Variants in EPS15 observed in about 807,000 individuals in gnomAD.
The protein encoded by EPS15 is epidermal growth factor receptor pathway substrate 15, also known as epidermal growth factor receptor substrate 15.
Under a neutral mutation model 113.8 loss-of-function variants are expected in EPS15, and 72 were observed. The ratio of observed to expected loss-of-function variants is 0.63; its 90% CI spans 0.52 to 0.77. The LOEUF (loss-of-function observed/expected upper bound fraction) is 0.77. Among genes scored for constraint, EPS15 ranks in the 30% least tolerant of loss-of-function variants. EPS15 has a pLI of 0.00. For missense variants in EPS15, 1,048 were observed against 1,045.8 expected (o/e 1.00, Z -0.03); for synonymous variants, 344 against 363.4 (o/e 0.95, Z 0.61).
intron 1 of EPS15, among the ~76,000 whole-genome samples, chr1:51,491,859 ATTT>A (rs1007233147): frequency 1.5e-4 from 19 of 129,790 alleles, no homozygotes; most frequent in African/African-American, 3.9e-4. Context: ...AACTCATTTA[ATTT>A]TTTTTTTTTT....
chr1:51,387,055 AG>A (rs1647099514), intron 21 of EPS15, among the ~76,000 whole-genome samples: 1 of 152,214 alleles, frequency 6.6e-6, no homozygotes, highest in Admixed American at 6.5e-5. Flanking sequence ...AAAAAGGTTA[AG>A]GGCAGCCAGA....
At chr1:51,446,913 T>A (rs778967111) in intron 10 of EPS15, 47 bp downstream of exon 10, 1 of 1,468,528 alleles carries the variant, frequency 6.8e-7, no homozygotes, top group South Asian at 1.3e-5. Flanking sequence ...AAACTGGAAT[T>A]GATACAAAAC....
intron 12 of EPS15, among the ~76,000 whole-genome samples, chr1:51,432,017 C>G (rs1217887831): frequency 6.6e-6 from 1 of 152,048 alleles, no homozygotes; most frequent in Non-Finnish European, 1.5e-5. Context: ...TATAAAAATA[C>G]ATTTACTGGC....
At chr1:51,460,767 A>T (rs1352735803) in intron 8 of EPS15, among the ~76,000 whole-genome samples, 1 of 152,142 alleles carries the variant, frequency 6.6e-6, no homozygotes. Flanking sequence ...CAGCCTAGCC[A>T]ACACGGCAAA....
At chr1:51,427,459 T>C (rs932092199) in intron 12 of EPS15, among the ~76,000 whole-genome samples, 24 of 151,882 alleles carry the variant, frequency 1.6e-4, no homozygotes, top group African/African-American at 5.8e-4. Flanking sequence ...GTGTGAGGGG[T>C]TGGGGATAAG....
intron 1 of EPS15, among the ~76,000 whole-genome samples, chr1:51,508,292 GAGAGAGAGAGAA>G (rs1208263792): frequency 7.4e-6 from 1 of 134,348 alleles, no homozygotes; most frequent in Non-Finnish European, 1.6e-5. Flanking sequence ...AAGAGAGAAA[GAGAGAGAGAGAA>G]AGAGAGAAAG....
chr1:51,389,947 C>T (rs867809896), intron 21 of EPS15, among the ~76,000 whole-genome samples: 3 of 152,292 alleles, frequency 2.0e-5, no homozygotes, highest in Admixed American at 1.3e-4. Flanking sequence ...ACTTTCTTCA[C>T]AGAATTGGAA....
rs565494405 is a variant in EPS15, at chr1:51,482,925, T to TAC, written c.34-1613_34-1612dup. On this transcript the variant is annotated intron_variant, in intron 1 of 24. Transcript: ENST00000371733. ...TAATTTTAAAAATACATAAAATGTG[T>TAC]ACACACACACACAGTAGTTTCCCCT... Among the ~76,000 whole-genome samples, 1,039 of 152,128 alleles carry TAC rather than the reference T, an allele frequency of 6.8e-3. 3 individuals are homozygous for TAC. Among genetic ancestry groups the TAC allele is most frequent in the Non-Finnish European group, 0.012 (818 of 67,964 alleles).
intron 11 of EPS15, among the ~76,000 whole-genome samples, chr1:51,441,469 T>C (rs1365864982): frequency 1.3e-5 from 2 of 152,078 alleles, no homozygotes; most frequent in Admixed American, 1.3e-4. Flanking sequence ...CATCTGGAAA[T>C]GTTAAAACTG....
At chr1:51,459,949 A>G (rs1466803876) in intron 8 of EPS15, among the ~76,000 whole-genome samples, 2 of 152,178 alleles carry the variant, frequency 1.3e-5, no homozygotes, top group Non-Finnish European at 2.9e-5. Flanking sequence ...AATTTAAAAT[A>G]AAAAGAATAA....
chr1:51,479,277 T>A (rs1254338558), intron 2 of EPS15, among the ~76,000 whole-genome samples: 8 of 152,210 alleles, frequency 5.3e-5, no homozygotes, highest in Non-Finnish European at 1.2e-4. Context: ...CGTCACGTAG[T>A]TCTCGTGCCA....
chr1:51,517,957 G>A (rs1644755763), intron 1 of EPS15, among the ~76,000 whole-genome samples: 1 of 152,126 alleles, frequency 6.6e-6, no homozygotes, highest in African/African-American at 2.4e-5. Flanking sequence ...CTCCACTGCC[G>A]AAATGTTTGC....
intron 8 of EPS15, among the ~76,000 whole-genome samples, chr1:51,450,161 G>A (rs191577665): frequency 2.6e-5 from 4 of 151,820 alleles, no homozygotes; most frequent in Admixed American, 6.5e-5. Context: ...TGGGCACAAC[G>A]TGGGACATAA....
At chr1:51,430,178 T>G (rs1332496795) in intron 12 of EPS15, among the ~76,000 whole-genome samples, 1 of 152,180 alleles carries the variant, frequency 6.6e-6, no homozygotes, top group Non-Finnish European at 1.5e-5. Flanking sequence ...TCAGAAGCCT[T>G]GAGCTAGATT....
At chr1:51,485,555 T>C (rs1482006995) in intron 1 of EPS15, among the ~76,000 whole-genome samples, 1 of 152,072 alleles carries the variant, frequency 6.6e-6, no homozygotes, top group Non-Finnish European at 1.5e-5. Context: ...CAGTGAGACA[T>C]CATCTCCTTA....
intron 11 of EPS15, 83 bp from the exon 12 acceptor site, chr1:51,440,515 G>T: frequency 1.8e-6 from 1 of 547,848 alleles, no homozygotes; most frequent in Non-Finnish European, 3.2e-6. Flanking sequence ...AAAGCTCTAC[G>T]CAGATATAAG....
At chr1:51,393,295 C>A (rs1160428649) in intron 21 of EPS15, among the ~76,000 whole-genome samples, 1 of 152,210 alleles carries the variant, frequency 6.6e-6, no homozygotes, top group African/African-American at 2.4e-5. Flanking sequence ...CAGCTCATTG[C>A]AACCTCCGCC....
At chr1:51,457,321 A>G (rs1222907661) in intron 8 of EPS15, among the ~76,000 whole-genome samples, 3 of 151,868 alleles carry the variant, frequency 2.0e-5, no homozygotes, top group South Asian at 2.1e-4. Flanking sequence ...AAAAAAGAAC[A>G]TGATGGGGAA....
intron 20 of EPS15, 42 bp downstream of exon 20, chr1:51,398,990 T>A: frequency 1.3e-6 from 2 of 1,574,806 alleles, no homozygotes; most frequent in African/African-American, 2.7e-5. Context: ...TTAGGACACT[T>A]ATTATCCATT....
Sources: allele counts gnomAD v4.1 joint callset (sites outside exome capture counted in the v4.1 genomes callset), GRCh38; gene constraint gnomAD v4.1.1; transcripts MANE v1.5; gene names NCBI Gene and HGNC (gene_info 2026-07-23, HGNC 2026-07-21).